Variants in ROBO2 observed in about 807,000 individuals in gnomAD.
ROBO2 encodes the protein roundabout homolog 2.
In ROBO2, 53 loss-of-function variants were observed where a neutral mutation model predicts 160.8. The observed-to-expected ratio is 0.33, with a 90% CI of 0.26 to 0.41. The LOEUF (loss-of-function observed/expected upper bound fraction) is 0.41, where lower values mean the gene tolerates loss of function less well. Among genes scored for constraint, ROBO2 ranks in the 10% least tolerant of loss-of-function variants. ROBO2 has a pLI of 1.00. For synonymous variants in ROBO2, 664 were observed against 611.7 expected (o/e 1.09, Z -1.26); for missense variants, 1,577 against 1,722.4 (o/e 0.92, Z 1.49).
chr3:77,137,322 G>A (rs149675568), intron 2 of ROBO2, among the ~76,000 whole-genome samples: 18 of 152,184 alleles, frequency 1.2e-4, no homozygotes, highest in African/African-American at 4.3e-4. Context: ...CACCTCCCAG[G>A]TTCAAGGGAT....
At chr3:76,384,700 G>A (rs981205567) in intron 2 of ROBO2, among the ~76,000 whole-genome samples, 2 of 152,168 alleles carry the variant, frequency 1.3e-5, no homozygotes, top group Non-Finnish European at 2.9e-5. Context: ...ATGGTGGCAG[G>A]AAGGGTAAGT....
intron 2 of ROBO2, among the ~76,000 whole-genome samples, chr3:76,937,716 A>C (rs966735593): frequency 2.0e-5 from 3 of 152,118 alleles, no homozygotes; most frequent in African/African-American, 7.2e-5. Context: ...TAACCTAAGC[A>C]TTTTTAGACA....
intron 2 of ROBO2, among the ~76,000 whole-genome samples, chr3:76,304,796 TTC>T (rs763396316): frequency 3.9e-4 from 56 of 145,042 alleles, no homozygotes; most frequent in African/African-American, 1.3e-3. Context: ...CTTTCTTTCT[TTC>T]TCTTTCTTTT....
At chr3:77,229,394 C>G (rs1347389541) in intron 2 of ROBO2, among the ~76,000 whole-genome samples, 1 of 151,906 alleles carries the variant, frequency 6.6e-6, no homozygotes, top group East Asian at 1.9e-4. Flanking sequence ...AGGAATGGAC[C>G]ACATTGCGCC....
chr3:76,917,049 T>G (rs2076360964), intron 2 of ROBO2, among the ~76,000 whole-genome samples: 1 of 152,122 alleles, frequency 6.6e-6, no homozygotes, highest in Non-Finnish European at 1.5e-5. Flanking sequence ...TAAATTTTAG[T>G]GTCTCTTAAA....
At chr3:76,395,267 T>C (rs2077370829) in intron 2 of ROBO2, among the ~76,000 whole-genome samples, 1 of 149,952 alleles carries the variant, frequency 6.7e-6, no homozygotes, top group Admixed American at 6.7e-5. Flanking sequence ...AAAGATGTTC[T>C]TTGAAACCAA....
intron 5 of ROBO2, among the ~76,000 whole-genome samples, chr3:77,497,632 C>A (rs1392686440): frequency 1.3e-5 from 2 of 152,034 alleles, no homozygotes; most frequent in African/African-American, 4.8e-5. Flanking sequence ...TACTGTCTGT[C>A]TTTTGCAGGC....
rs895593316 is a variant in ROBO2, at chr3:76,333,098, A to T, written c.109+395496A>T. On this transcript the variant is annotated intron_variant, in intron 2 of 26. Coordinates refer to the ROBO2 transcript ENST00000487694. The stretch of plus-strand genomic sequence containing the variant: ...ACCTTGAGAACGCCTAGTATATGTA[A>T]ACTGGTCTTCAGTGTCAGAAGAGTG... 5.3e-5 allele frequency among the ~76,000 whole-genome samples: 8 copies of T among 152,246 alleles called. No homozygotes were observed. The East Asian group carries it at 1.5e-3, about 29-fold the overall frequency.
At chr3:76,437,177 A>C (rs2109075108) in intron 2 of ROBO2, among the ~76,000 whole-genome samples, 1 of 152,262 alleles carries the variant, frequency 6.6e-6, no homozygotes, top group South Asian at 2.1e-4. Context: ...TAACACCAAA[A>C]TTTTCAAATA....
rs181901933 is a variant in ROBO2, at chr3:77,492,863, A to G, written c.668-381A>G. Among the ~76,000 whole-genome samples the G allele has an allele frequency of 2.0e-3, 306 of 152,236 alleles. 2 individuals are homozygous for G. Among genetic ancestry groups the G allele is most frequent in the African/African-American group, 5.7e-3 (237 of 41,560 alleles). On this transcript the variant is annotated intron_variant, in intron 4 of 25. Coordinates refer to ENST00000461745, the Ensembl canonical transcript of ROBO2. ...AATGTTTTTATCCCTTTCAACTTTT[A>G]GTTTTCCCACTTTGAACCCTGATAA...
chr3:77,102,291 G>A (rs1172947312), intron 2 of ROBO2, among the ~76,000 whole-genome samples: 2 of 151,924 alleles, frequency 1.3e-5, no homozygotes, highest in South Asian at 2.1e-4. Context: ...TATTTAGTGT[G>A]TGTGTGTGTT....
chr3:76,555,789 G>A (rs2083751858), intron 2 of ROBO2, among the ~76,000 whole-genome samples: 1 of 152,028 alleles, frequency 6.6e-6, no homozygotes, highest in Non-Finnish European at 1.5e-5. Flanking sequence ...ATGACCAAAA[G>A]AAAAACTCTG....
Position 77,256,854 on chromosome 3 carries a change from C to G in ROBO2, c.388+158514C>G, listed in dbSNP as rs148921933. Reference sequence around the variant, plus strand: ...GTGATTTCTCAGGCAATTTTTAGAGCCTTTTGGAAAGTGGTCTCCAAATTA... The same window carrying G: ...GTGATTTCTCAGGCAATTTTTAGAGGCTTTTGGAAAGTGGTCTCCAAATTA... On this transcript the variant is annotated intron_variant, in intron 2 of 25. Coordinates refer to ENST00000461745, the Ensembl canonical transcript of ROBO2. Among the ~76,000 whole-genome samples, 221 of 152,258 alleles carry G rather than the reference C, an allele frequency of 1.5e-3. 1 individual carries two copies. The highest frequency in any genetic ancestry group is 5.0e-3 in the African/African-American group (209 of 41,562).
chr3:77,108,114 ATAT>A (rs1579039676), intron 2 of ROBO2, among the ~76,000 whole-genome samples: 1 of 151,654 alleles, frequency 6.6e-6, no homozygotes, highest in East Asian at 1.9e-4. Flanking sequence ...TTACTTATTC[ATAT>A]TGAATGAGTA....
chr3:77,137,345 G>C (rs1159287796), intron 2 of ROBO2, among the ~76,000 whole-genome samples: 1 of 152,146 alleles, frequency 6.6e-6, no homozygotes, highest in Non-Finnish European at 1.5e-5. Flanking sequence ...CCCTGCCTCA[G>C]CCTCCTGAAT....
In ROBO2 at chr3:77,346,889, C is replaced by T. The variant is rs114744876; in HGVS notation, c.389-130525C>T. The stretch of plus-strand genomic sequence containing the variant: ...TCTCCCTTCTGGCAGAGAAGTTTCT[C>T]TCTTCTTAAGGGCCCATGTTATTAG... On this transcript the variant is annotated intron_variant, in intron 2 of 25. Coordinates refer to ENST00000461745, the Ensembl canonical transcript of ROBO2. Among the ~76,000 whole-genome samples, 294 of 152,298 alleles carry T rather than the reference C, an allele frequency of 1.9e-3. 4 individuals are homozygous for T. The highest frequency in any genetic ancestry group is 6.4e-3 in the African/African-American group (268 of 41,578).
chr3:77,320,587 T>C (rs1465989070), intron 2 of ROBO2, among the ~76,000 whole-genome samples: 1 of 152,118 alleles, frequency 6.6e-6, no homozygotes, highest in Admixed American at 6.5e-5. Context: ...CTTATTTAAT[T>C]AAACATTGTC....
chr3:76,213,855 G>A (rs1359268896), intron 2 of ROBO2, among the ~76,000 whole-genome samples: 1 of 152,090 alleles, frequency 6.6e-6, no homozygotes, highest in Non-Finnish European at 1.5e-5. Flanking sequence ...TGGACCCTAT[G>A]CCACCTGAAT....
chr3:77,244,598 G>A (rs572965741), intron 2 of ROBO2, among the ~76,000 whole-genome samples: 4 of 152,222 alleles, frequency 2.6e-5, no homozygotes, highest in East Asian at 3.9e-4. Context: ...CCCAACTTAA[G>A]GCCAGGCGCG....
Sources: gnomAD v4.1 joint callset for allele counts (sites outside exome capture counted in the v4.1 genomes callset) on GRCh38, gnomAD v4.1.1 for gene constraint, MANE v1.5 for transcripts, NCBI Gene and HGNC (gene_info 2026-07-23, HGNC 2026-07-21) for gene names.